MAGI1: variants seen among roughly 807,000 people sequenced by gnomAD.
The protein encoded by MAGI1 is membrane associated guanylate kinase, WW and PDZ domain containing 1.
A neutral mutation model predicts 139.9 loss-of-function variants in MAGI1; 58 were observed. That is an observed-to-expected ratio of 0.41 (90% confidence interval 0.34 to 0.52). The LOEUF (loss-of-function observed/expected upper bound fraction) is 0.52, where lower values mean the gene tolerates loss of function less well. MAGI1 is among the 20% of genes least tolerant of loss of function. The pLI is 0.12. For synonymous variants in MAGI1, 812 were observed against 737.9 expected (o/e 1.10, Z -1.63); for missense variants, 1,874 against 1,901.6 (o/e 0.99, Z 0.27).
intron 16 of MAGI1, among the ~76,000 whole-genome samples, chr3:65,380,054 G>C (rs1575565782): frequency 1.3e-5 from 2 of 152,322 alleles, no homozygotes; most frequent in East Asian, 3.9e-4. Flanking sequence ...GTAACGTTGA[G>C]GCTACCCGCC....
At chr3:65,498,581 T>C (rs1002627844) in intron 2 of MAGI1, among the ~76,000 whole-genome samples, 1 of 152,166 alleles carries the variant, frequency 6.6e-6, no homozygotes, top group Admixed American at 6.5e-5. Context: ...TAAGGATTAT[T>C]ATTACCCTCA....
chr3:65,750,847 T>A (rs1259996951), intron 1 of MAGI1, among the ~76,000 whole-genome samples: 1 of 152,190 alleles, frequency 6.6e-6, no homozygotes, highest in Non-Finnish European at 1.5e-5. Flanking sequence ...TCAATCAACA[T>A]ACGAAACATA....
intron 1 of MAGI1, among the ~76,000 whole-genome samples, chr3:65,762,655 A>G (rs1275221348): frequency 6.6e-6 from 1 of 152,202 alleles, no homozygotes; most frequent in Non-Finnish European, 1.5e-5. Flanking sequence ...CTTTAGTTAT[A>G]TAACATGGGT....
chr3:65,547,650 T>C (rs2079567189), intron 2 of MAGI1, among the ~76,000 whole-genome samples: 2 of 152,110 alleles, frequency 1.3e-5, no homozygotes, highest in African/African-American at 2.4e-5. Flanking sequence ...CACAGTCACA[T>C]GGTAGCTGTG....
chr3:65,703,297 T>C (rs1437991909), intron 1 of MAGI1, among the ~76,000 whole-genome samples: 1 of 152,032 alleles, frequency 6.6e-6, no homozygotes, highest in African/African-American at 2.4e-5. Flanking sequence ...AGGAGTAGGG[T>C]GTAAGTGAGG....
rs753972545 is a variant in MAGI1, at chr3:65,478,617, A to G, written c.732T>C (p.Val244=). ...CTGTAAAGCTGCTGTTCATTTCAGG[A>G]ACGTCATCCTCCTCCTCATTCTCCG... is the stretch of plus-strand genomic sequence containing the variant. ...VHAENEEEDD[V]PEMNSSFTAD... The change falls in exon 4 of 23, where the codon GTT becomes GTC. Residue 244 remains valine, a synonymous_variant. Coordinates refer to ENST00000402939, the MANE Select transcript of MAGI1 (RefSeq NM_001033057.2). 1 of 1,613,948 alleles carries G rather than the reference A, an allele frequency of 6.2e-7. No homozygotes were observed. Among genetic ancestry groups the G allele is most frequent in the East Asian group, 2.2e-5 (1 of 44,878 alleles).
intron 1 of MAGI1, among the ~76,000 whole-genome samples, chr3:66,023,381 T>G (rs2068064266): frequency 6.6e-6 from 1 of 151,914 alleles, no homozygotes; most frequent in South Asian, 2.1e-4. Flanking sequence ...GGCTCCTTGA[T>G]AGAAAAAAAA....
In MAGI1 at chr3:65,438,998, T is replaced by C. The variant is rs180996558; in HGVS notation, c.1270+881A>G. Among the ~76,000 whole-genome samples, 213 of 152,310 alleles carry C rather than the reference T, an allele frequency of 1.4e-3. 2 individuals are homozygous for C. Among genetic ancestry groups the C allele is most frequent in the African/African-American group, 5.0e-3 (207 of 41,570 alleles). ...TTTACATTTGTTATATTCAATATTA[T>C]AGTAACAGAAGCATTATACTTGATA... On this transcript the variant is annotated intron_variant, in intron 9 of 22. Coordinates refer to ENST00000402939, the MANE Select transcript of MAGI1 (RefSeq NM_001033057.2).
At chr3:65,657,809 A>G (rs2085968703) in intron 1 of MAGI1, among the ~76,000 whole-genome samples, 1 of 152,190 alleles carries the variant, frequency 6.6e-6, no homozygotes, top group Admixed American at 6.5e-5. Context: ...GTGAAGTGAT[A>G]GCATGAAAAC....
chr3:66,018,491 G>A (rs1236259684), intron 1 of MAGI1, among the ~76,000 whole-genome samples: 1 of 152,154 alleles, frequency 6.6e-6, no homozygotes, highest in Non-Finnish European at 1.5e-5. Flanking sequence ...CAGAAACTGA[G>A]GCACAGAGAG....
intron 1 of MAGI1, among the ~76,000 whole-genome samples, chr3:65,782,587 T>G (rs1402705716): frequency 7.1e-6 from 1 of 141,052 alleles, no homozygotes; most frequent in East Asian, 2.0e-4. Context: ...TAAAAACTAT[T>G]TTTTAAAGTA....
At chr3:65,630,785 C>T (rs1213208046) in intron 1 of MAGI1, among the ~76,000 whole-genome samples, 1 of 152,154 alleles carries the variant, frequency 6.6e-6, no homozygotes, top group African/African-American at 2.4e-5. Context: ...GACATGTGCA[C>T]TCAAATCTCA....
intron 22 of MAGI1, chr3:65,359,526 C>G (rs1468337581): frequency 9.8e-7 from 1 of 1,019,962 alleles, no homozygotes; most frequent in African/African-American, 1.7e-5. Flanking sequence ...CCACCCCCAC[C>G]AAAGACCGCG....
At chr3:65,877,821 CA>C (rs2060174562) in intron 1 of MAGI1, among the ~76,000 whole-genome samples, 1 of 152,082 alleles carries the variant, frequency 6.6e-6, no homozygotes, top group Non-Finnish European at 1.5e-5. Context: ...AAAACAGGAA[CA>C]TGGGGCCAGG....
At chr3:65,782,059 T>A (rs146909534) in intron 1 of MAGI1, among the ~76,000 whole-genome samples, 17 of 152,322 alleles carry the variant, frequency 1.1e-4, no homozygotes, top group African/African-American at 4.1e-4. Flanking sequence ...AGACCCTAAC[T>A]ATCAAAGGGA....
intron 2 of MAGI1, among the ~76,000 whole-genome samples, chr3:65,586,696 A>G (rs1413887907): frequency 4.6e-5 from 7 of 152,204 alleles, no homozygotes; most frequent in Non-Finnish European, 8.8e-5. Context: ...GCCTAAAGCC[A>G]TCCCAAACTA....
intron 2 of MAGI1, among the ~76,000 whole-genome samples, chr3:65,569,364 G>A (rs1255306438): frequency 1.3e-5 from 2 of 152,056 alleles, no homozygotes; most frequent in African/African-American, 4.8e-5. Flanking sequence ...TGTTGATGAT[G>A]GTTGCACAAT....
At chr3:65,630,191 C>T (rs1345838441) in intron 1 of MAGI1, among the ~76,000 whole-genome samples, 1 of 152,064 alleles carries the variant, frequency 6.6e-6, no homozygotes, top group Non-Finnish European at 1.5e-5. Flanking sequence ...AGCTAAACAC[C>T]CTGTGAGCCC....
Position 65,609,285 on chromosome 3 carries a change from G to GTT in MAGI1, c.430+12685_430+12686dup, listed in dbSNP as rs112624177. The stretch of plus-strand genomic sequence containing the variant: ...CTATCTCTCTCTCTCTCTTTTTTTT[G>GTT]TTTTTTTTTTGAGATGGAGTCTTGC... On this transcript the variant is annotated intron_variant, in intron 2 of 22. Coordinates refer to ENST00000402939, the MANE Select transcript of MAGI1 (RefSeq NM_001033057.2). Among the ~76,000 whole-genome samples the GTT allele has an allele frequency of 3.3e-3, 477 of 146,406 alleles. 1 individual carries two copies. The highest frequency in any genetic ancestry group is 4.3e-3 in the Non-Finnish European group (283 of 66,200).
Sources: gnomAD v4.1 joint callset for allele counts (sites outside exome capture counted in the v4.1 genomes callset) on GRCh38, gnomAD v4.1.1 for gene constraint, MANE v1.5 for transcripts, NCBI Gene and HGNC (gene_info 2026-07-23, HGNC 2026-07-21) for gene names.